The following SHLD2 variants were observed in gnomAD, a reference collection of about 807,000 sequenced individuals.
The protein encoded by SHLD2 is RINN1-REV7-interacting novel NHEJ regulator 2.
In SHLD2, 30 loss-of-function variants were observed where a neutral mutation model predicts 73.2. That is an observed-to-expected ratio of 0.41 (90% confidence interval 0.31 to 0.56). The LOEUF is 0.56. SHLD2 is among the 20% of genes least tolerant of loss of function. The pLI is 0.28. For missense variants in SHLD2, 745 were observed against 1,055.9 expected, an observed-to-expected ratio of 0.71 and a Z score of 4.08; for synonymous variants, 285 against 370.1, an observed-to-expected ratio of 0.77 and a Z score of 2.64.
chr10:87,144,526 A>C (rs1334777322), intron 2 of SHLD2, among the ~76,000 whole-genome samples: 1 of 152,172 alleles, frequency 6.6e-6, no homozygotes, highest in East Asian at 1.9e-4. Flanking sequence ...TTCTGAGGAA[A>C]AAAATCATCT....
intron 4 of SHLD2, among the ~76,000 whole-genome samples, chr10:87,158,431 CTT>C (rs1383421719): frequency 6.6e-6 from 1 of 152,114 alleles, no homozygotes; most frequent in Non-Finnish European, 1.5e-5. Context: ...TCAGAGACCT[CTT>C]TGAGAATCTA....
At chr10:87,160,088 T>G (rs1004156050) in intron 4 of SHLD2, among the ~76,000 whole-genome samples, 1 of 151,996 alleles carries the variant, frequency 6.6e-6, no homozygotes, top group Non-Finnish European at 1.5e-5. Flanking sequence ...CTCCCAATGG[T>G]GATATCTTAT....
intron 6 of SHLD2, among the ~76,000 whole-genome samples, chr10:87,171,258 A>C (rs1171610816): frequency 1.3e-5 from 2 of 152,160 alleles, no homozygotes; most frequent in African/African-American, 4.8e-5. Context: ...TCCTTCAAAT[A>C]ATGTTCTTTA....
chr10:87,177,655 T>G (rs538602255), intron 7 of SHLD2, among the ~76,000 whole-genome samples: 1 of 152,282 alleles, frequency 6.6e-6, no homozygotes, highest in Non-Finnish European at 1.5e-5. Context: ...ATTTTATAGT[T>G]AAACAAAAGG....
intron 2 of SHLD2, among the ~76,000 whole-genome samples, chr10:87,117,015 G>A (rs1380489491): frequency 6.6e-6 from 1 of 152,198 alleles, no homozygotes; most frequent in East Asian, 1.9e-4. Context: ...TTGAACGGGA[G>A]GAGCAGTTGC....
intron 2 of SHLD2, among the ~76,000 whole-genome samples, chr10:87,138,386 AC>A (rs1165692011): frequency 2.0e-5 from 3 of 151,988 alleles, no homozygotes; most frequent in Non-Finnish European, 2.9e-5. Context: ...AAAAAAAAAA[AC>A]AACCTGTTAA....
At chr10:87,187,225 A>T in intron 9 of SHLD2, 25 bp downstream of exon 9, 2 of 1,369,380 alleles carry the variant, frequency 1.5e-6, no homozygotes, top group Non-Finnish European at 2.1e-6. Context: ...TGCCATCAAG[A>T]AGTTGTTTTA....
intron 6 of SHLD2, among the ~76,000 whole-genome samples, chr10:87,173,741 C>T (rs1324493316): frequency 8.5e-6 from 1 of 118,278 alleles, no homozygotes; most frequent in African/African-American, 3.3e-5. Context: ...TGAAAGGCAA[C>T]CAAAAAAAAA....
intron 3 of SHLD2, among the ~76,000 whole-genome samples, chr10:87,156,151 C>T (rs1846411888): frequency 6.6e-6 from 1 of 151,116 alleles, no homozygotes; most frequent in Non-Finnish European, 1.5e-5. Flanking sequence ...ACTGCAACCT[C>T]TGCCTCCTGG....
At chr10:87,113,477 G>A (rs1361403353) in intron 2 of SHLD2, among the ~76,000 whole-genome samples, 1 of 152,286 alleles carries the variant, frequency 6.6e-6, no homozygotes, top group Non-Finnish European at 1.5e-5. Flanking sequence ...ATCACATATT[G>A]TATGATCCCA....
intron 9 of SHLD2, among the ~76,000 whole-genome samples, 179 bp downstream of exon 9, chr10:87,187,379 C>A (rs375464716): frequency 1.4e-4 from 21 of 152,206 alleles, no homozygotes; most frequent in East Asian, 1.3e-3. Context: ...TTGCTTTACA[C>A]CTGTTAGTAC....
At chr10:87,124,535 C>CA (rs577531222) in intron 2 of SHLD2, among the ~76,000 whole-genome samples, 99 of 151,498 alleles carry the variant, frequency 6.5e-4, no homozygotes, top group African/African-American at 2.0e-3. Flanking sequence ...GACCCTATCT[C>CA]AAAAAAAAGA....
At chr10:87,122,848 G>A (rs2134090033) in intron 2 of SHLD2, among the ~76,000 whole-genome samples, 1 of 152,230 alleles carries the variant, frequency 6.6e-6, no homozygotes, top group East Asian at 1.9e-4. Flanking sequence ...CTTGATCTTG[G>A]CTCACTGCAA....
chr10:87,118,260 G>A (rs1843377190), intron 2 of SHLD2, among the ~76,000 whole-genome samples: 2 of 152,096 alleles, frequency 1.3e-5, no homozygotes, highest in South Asian at 4.1e-4. Context: ...GTTTGGTTAT[G>A]GAACCTTATT....
chr10:87,111,659 A>G (rs1434004790), intron 2 of SHLD2, among the ~76,000 whole-genome samples: 5 of 150,272 alleles, frequency 3.3e-5, no homozygotes, highest in Admixed American at 6.6e-5. Context: ...AAAAAAAAAA[A>G]AAGAAGTGGG....
intron 2 of SHLD2, among the ~76,000 whole-genome samples, chr10:87,139,877 A>G (rs559320783): frequency 1.3e-5 from 2 of 152,342 alleles, no homozygotes; most frequent in African/African-American, 2.4e-5. Context: ...AATACCAGAT[A>G]TAATATCCAA....
chr10:87,149,595 T>C (rs1035758458), intron 2 of SHLD2, among the ~76,000 whole-genome samples: 1 of 152,004 alleles, frequency 6.6e-6, no homozygotes, highest in Non-Finnish European at 1.5e-5. Context: ...TGGTGGTAGA[T>C]GGCTGTAATC....
intron 2 of SHLD2, among the ~76,000 whole-genome samples, chr10:87,146,598 ATT>A (rs35076249): frequency 6.9e-6 from 1 of 144,242 alleles, no homozygotes; most frequent in Non-Finnish European, 1.5e-5. Flanking sequence ...CCAGCCTGCG[ATT>A]TTTTTTTTTT....
At chr10:87,180,944 A>G (rs779925522) in intron 8 of SHLD2, among the ~76,000 whole-genome samples, 5 of 152,210 alleles carry the variant, frequency 3.3e-5, no homozygotes, top group Non-Finnish European at 5.9e-5. Context: ...TCCACATGTT[A>G]TCATGGCATA....
Sources: allele counts gnomAD v4.1 joint callset (sites outside exome capture counted in the v4.1 genomes callset), GRCh38; gene constraint gnomAD v4.1.1; transcripts MANE v1.5; gene names NCBI Gene and HGNC (gene_info 2026-07-23, HGNC 2026-07-21).